Variants in NTN1 observed in about 807,000 individuals in gnomAD.
NTN1 encodes netrin-1.
Under a neutral mutation model 54.2 loss-of-function variants are expected in NTN1, and 11 were observed. That is an observed-to-expected ratio of 0.20 (90% CI 0.13 to 0.34). The LOEUF (loss-of-function observed/expected upper bound fraction) is 0.34. Among genes scored for constraint, NTN1 ranks in the 10% least tolerant of loss-of-function variants. The probability of loss-of-function intolerance (pLI) is 1.00; values close to 1 mark genes in which losing one functional copy is unlikely to be tolerated. For missense variants in NTN1, 740 were observed against 893.1 expected, an observed-to-expected ratio of 0.83 and a Z score of 2.18; for synonymous variants, 371 against 382.0, an observed-to-expected ratio of 0.97 and a Z score of 0.33.
chr17:9,118,769 T>A (rs2092223145), intron 2 of NTN1, among the ~76,000 whole-genome samples: 1 of 152,234 alleles, frequency 6.6e-6, no homozygotes, highest in South Asian at 2.1e-4. Context: ...TGTGGCTTCT[T>A]TCCCGTGACA....
chr17:9,204,290 TTCTCTCTC>T (rs72069347), intron 5 of NTN1, among the ~76,000 whole-genome samples: 2 of 143,454 alleles, frequency 1.4e-5, no homozygotes, highest in East Asian at 2.0e-4. Context: ...CTCTATCTCT[TTCTCTCTC>T]TCTCTCTCTC....
chr17:9,157,068 T>C lies in NTN1; in HGVS notation c.1019-5745T>C, dbSNP rs575846356. Among the ~76,000 whole-genome samples, 8 of 151,628 alleles carry C rather than the reference T, an allele frequency of 5.3e-5. No homozygotes were observed. In the East Asian group the frequency reaches 1.6e-3, roughly 30 times the overall value. ...TTTCATCCTTCCATTCATTCATCCA[T>C]CCATCTATCTTCTCTCTTGTTTGCT... is the stretch of plus-strand genomic sequence containing the variant. On this transcript the variant is annotated intron_variant, in intron 2 of 6. Coordinates refer to ENST00000173229, the MANE Select transcript of NTN1 (RefSeq NM_004822.3).
At position 9,023,285 on chromosome 17, in the gene NTN1, C is replaced by T; in HGVS notation, c.912C>T (p.Cys304=). The T allele has an allele frequency of 3.2e-6, 5 of 1,555,882 alleles. No individual in the cohort carries two copies. Among genetic ancestry groups the T allele is most frequent in the East Asian group, 2.4e-5 (1 of 41,578 alleles). ...GCGACCGCGACGACAGCCTGGTGTGCGACTGCAGGCACAACACGGCCGGCC... is the reference window on the plus strand; with the variant it reads ...GCGACCGCGACGACAGCCTGGTGTGTGACTGCAGGCACAACACGGCCGGCC... ...CVRDRDDSLV[C]DCRHNTAGPE... The change falls in exon 2 of 7, where the codon TGC becomes TGT. Residue 304 remains cysteine (C), a synonymous_variant. Coordinates refer to ENST00000173229, the MANE Select transcript of NTN1 (RefSeq NM_004822.3).
chr17:9,129,872 G>A (rs2092258936), intron 2 of NTN1, among the ~76,000 whole-genome samples: 1 of 152,198 alleles, frequency 6.6e-6, no homozygotes, highest in African/African-American at 2.4e-5. Context: ...ACTCGGGATT[G>A]ATGAAATACA....
At chr17:9,220,928 G>A (rs557979202) in intron 5 of NTN1, among the ~76,000 whole-genome samples, 5 of 147,438 alleles carry the variant, frequency 3.4e-5, no homozygotes, top group South Asian at 2.3e-4. Flanking sequence ...GGTTGCAGGC[G>A]GTGGCTGAGG....
At chr17:9,231,034 G>A (rs1567747246) in intron 6 of NTN1, among the ~76,000 whole-genome samples, 1 of 152,144 alleles carries the variant, frequency 6.6e-6, no homozygotes, top group East Asian at 1.9e-4. Context: ...AGGCGGGAAA[G>A]GCTAGTCTTC....
chr17:9,148,107 C>T (rs994990992), intron 2 of NTN1, among the ~76,000 whole-genome samples: 2 of 152,024 alleles, frequency 1.3e-5, no homozygotes, highest in Non-Finnish European at 2.9e-5. Flanking sequence ...GGCAGAGGGG[C>T]GTGGTCTGTC....
At position 9,085,501 on chromosome 17, in the gene NTN1, C is replaced by T. The variant is rs568514874; in HGVS notation, c.1018+62110C>T. 5.3e-5 allele frequency among the ~76,000 whole-genome samples: 8 copies of T among 152,352 alleles called. No individual in the cohort carries two copies. In the East Asian group the frequency reaches 9.6e-4, roughly 18 times the overall value. On this transcript the variant is annotated intron_variant, in intron 2 of 6. Transcript: ENST00000173229. ...TATGGTCTCTCGCTGGGTGACCATG[C>T]GTCCCTTAACTAAAAGGAAGTGGAG...
intron 2 of NTN1, among the ~76,000 whole-genome samples, chr17:9,028,125 C>CA (rs891817278): frequency 9.3e-5 from 14 of 149,924 alleles, no homozygotes; most frequent in South Asian, 4.2e-4. Context: ...ACTCTGTCTC[C>CA]AAAAAAAAAG....
intron 5 of NTN1, among the ~76,000 whole-genome samples, chr17:9,214,277 G>C (rs1279810130): frequency 6.6e-6 from 1 of 152,044 alleles, no homozygotes; most frequent in East Asian, 1.9e-4. Context: ...GATTAATTTA[G>C]CATTCTTTCA....
At chr17:9,237,495 C>T (rs918606734) in intron 6 of NTN1, among the ~76,000 whole-genome samples, 1 of 152,178 alleles carries the variant, frequency 6.6e-6, no homozygotes, top group Non-Finnish European at 1.5e-5. Context: ...TTTGTTGGGA[C>T]ACCATTCAGC....
At chr17:9,123,145 A>G (rs959900631) in intron 2 of NTN1, among the ~76,000 whole-genome samples, 1 of 152,198 alleles carries the variant, frequency 6.6e-6, no homozygotes, top group African/African-American at 2.4e-5. Flanking sequence ...AAGTCATACC[A>G]GTTTATAGAG....
At chr17:9,003,755 A>C in the NTN1 span, among the ~76,000 whole-genome samples, 1 of 152,226 alleles carries the variant, frequency 6.6e-6, no homozygotes, top group Non-Finnish European at 1.5e-5. The surrounding 1 kb of genome is among the most constrained non-coding windows in gnomAD (Gnocchi z 7.4). Context: ...CAGAATGGTC[A>C]GCGGGCTGGA....
chr17:9,114,345 G>A (rs1194137202), intron 2 of NTN1, among the ~76,000 whole-genome samples: 1 of 150,652 alleles, frequency 6.6e-6, no homozygotes, highest in Non-Finnish European at 1.5e-5. Flanking sequence ...AACATATTTA[G>A]GGTGTATAAG....
In NTN1 at chr17:9,242,118, A is replaced by C. The variant is rs113998401; in HGVS notation, c.*2150A>C. 5,816 of 152,960 alleles carry C rather than the reference A, an allele frequency of 0.038. 366 individuals carry two copies. Among genetic ancestry groups the C allele is most frequent in the African/African-American group, 0.13 (5,382 of 41,570 alleles). 9.5% of individuals were successfully genotyped at this position (152,960 alleles called of 1,614,324 possible). On this transcript the variant is annotated 3_prime_UTR_variant, in exon 7 of 7. Transcript: ENST00000173229. ...TTGCCAGATGGCAGCTCCAGGTTCCAGGAAGGCAGGCCTTGGATGCTCCGA... is the reference window on the plus strand; with the variant it reads ...TTGCCAGATGGCAGCTCCAGGTTCCCGGAAGGCAGGCCTTGGATGCTCCGA...
chr17:9,023,800 G>C (rs772675734), intron 2 of NTN1, among the ~76,000 whole-genome samples: 3 of 152,256 alleles, frequency 2.0e-5, no homozygotes, highest in Non-Finnish European at 4.4e-5. Flanking sequence ...CCCCGGCCCA[G>C]TTCCTGGGAA....
intron 5 of NTN1, among the ~76,000 whole-genome samples, chr17:9,199,508 G>A (rs565350659): frequency 5.1e-4 from 77 of 152,354 alleles, no homozygotes; most frequent in African/African-American, 1.7e-3. Context: ...TCCAAGCAGT[G>A]AGTCAGGGGC....
chr17:9,179,029 G>A (rs2092409713), intron 3 of NTN1: 1 of 152,352 alleles, frequency 6.6e-6, no homozygotes, highest in East Asian at 1.9e-4. Context: ...GGAGGGTGGG[G>A]GGCCTGCTCT....
intron 2 of NTN1, among the ~76,000 whole-genome samples, chr17:9,070,637 G>A (rs1472995810): frequency 6.6e-6 from 1 of 152,152 alleles, no homozygotes; most frequent in Non-Finnish European, 1.5e-5. Flanking sequence ...TGTCTGCCAG[G>A]CTGGAGTGCA....
Sources: allele counts gnomAD v4.1 joint callset (sites outside exome capture counted in the v4.1 genomes callset), GRCh38; gene constraint gnomAD v4.1.1; non-coding constraint Gnocchi (gnomAD v3.1); transcripts MANE v1.5; gene names NCBI Gene and HGNC (gene_info 2026-07-23, HGNC 2026-07-21).